Variants in WDCP observed in about 807,000 individuals in gnomAD.
WDCP encodes WD repeat and coiled coil containing, also known as WD repeat and coiled-coil-containing protein.
In WDCP, 19 loss-of-function variants were observed where a neutral mutation model predicts 41.6. The ratio of observed to expected loss-of-function variants is 0.46; its 90% CI spans 0.32 to 0.67. The LOEUF is 0.67. Ranked by LOEUF, WDCP falls within the 30% of genes least tolerant of loss-of-function variation. The pLI, the probability that WDCP is intolerant of heterozygous loss-of-function variation, is 0.04. For missense variants in WDCP, 802 were observed against 850.7 expected, an observed-to-expected ratio of 0.94 and a Z score of 0.71; for synonymous variants, 302 against 320.8, an observed-to-expected ratio of 0.94 and a Z score of 0.63.
At position 24,032,304 on chromosome 2, in the gene WDCP, C is replaced by T. The variant is rs183701388; in HGVS notation, c.1936+525G>A. ...GGCCGAGGCAGGCGGATTGCCTGAG[C>T]TCAGCCTGGGCAACACAGTGAAACC... On this transcript the variant is annotated intron_variant, in intron 3 of 3. Transcript: ENST00000295148. Among the ~76,000 whole-genome samples the T allele has an allele frequency of 2.6e-5, 4 of 152,306 alleles. No homozygotes were observed. The East Asian group carries it at 7.7e-4, about 29-fold the overall frequency.
intron 2 of WDCP, 137 bp from the exon 3 acceptor site, chr2:24,033,083 G>A (rs1412145309): frequency 8.5e-6 from 6 of 708,926 alleles, no homozygotes; most frequent in South Asian, 1.5e-5. Context: ...CAGTTTTAAG[G>A]AGCTCTTTGC....
In WDCP at chr2:24,037,779, T is replaced by C. The variant is rs769364997; in HGVS notation, c.1716A>G (p.Gln572=). Residue 572 remains glutamine (Q), a synonymous_variant, in exon 2 of 4, where the codon CAA becomes CAG. Coordinates refer to ENST00000295148, the MANE Select transcript of WDCP (RefSeq NM_025203.3). ...GGTTTGTAAGTTCAGAAAGACACCG[T>C]TGCATTTCAACCAGGTTCCTAGATA... ...EILSRNLVEM[Q]RCLSELTNRL... is the part of the protein sequence containing the mutation. The C allele has an allele frequency of 2.2e-5, 36 of 1,614,258 alleles. No individual in the cohort carries two copies. The highest frequency in any genetic ancestry group is 2.5e-5 in the Non-Finnish European group (30 of 1,180,046).
chr2:24,039,990 G>A (rs1328413497), intron 1 of WDCP, among the ~76,000 whole-genome samples: 9 of 151,676 alleles, frequency 5.9e-5, no homozygotes, highest in Non-Finnish European at 1.2e-4. Context: ...TAGTAGAGAC[G>A]GGGTTTCACT....
In WDCP at chr2:24,038,105, T is replaced by C. The variant is rs1332033807; in HGVS notation, c.1390A>G (p.Ile464Val). ...CAAAAATCTGGGGAAAGACTTTCAA[T>C]TAACTTTTTTCTATTTGCTTTATTT... ...PLNKANRKKL[I>V]ESLSPDFCHQ... Residue 464 changes from isoleucine to valine, a missense_variant, in exon 2 of 4, where the codon ATT (isoleucine) becomes GTT (valine). Transcript: ENST00000295148. The C allele has an allele frequency of 2.5e-6, 4 of 1,614,216 alleles. No homozygotes were observed. The South Asian group carries it at 4.4e-5, about 18-fold the overall frequency.
chr2:24,034,161 C>T lies in WDCP; in HGVS notation c.1819-1215G>A, dbSNP rs142414244. On this transcript the variant is annotated intron_variant, in intron 2 of 3. Coordinates refer to ENST00000295148, the MANE Select transcript of WDCP (RefSeq NM_025203.3). The stretch of plus-strand genomic sequence containing the variant: ...TAGGGCCGGGTGTGGTGGCTCACGC[C>T]TGTAATCCCAGAACTTTGGAAGGCC... Among the ~76,000 whole-genome samples, 910 of 152,218 alleles carry T rather than the reference C, an allele frequency of 6.0e-3. 6 individuals are homozygous for T. Among genetic ancestry groups the T allele is most frequent in the South Asian group, 0.034 (163 of 4,824 alleles).
intron 2 of WDCP, among the ~76,000 whole-genome samples, chr2:24,036,059 G>A (rs1049083735): frequency 6.3e-5 from 7 of 111,630 alleles, no homozygotes; most frequent in African/African-American, 2.2e-4. Flanking sequence ...CAGAGACTCC[G>A]TCTCAAAAAT....
chr2:24,032,189 G>C (rs1478660208), intron 3 of WDCP, among the ~76,000 whole-genome samples: 1 of 152,174 alleles, frequency 6.6e-6, no homozygotes. Flanking sequence ...CTGGGCAACA[G>C]AGTGAGACCC....
At position 24,036,195 on chromosome 2, in the gene WDCP, A is replaced by T. The variant is rs532713611; in HGVS notation, c.1818+1482T>A. The stretch of plus-strand genomic sequence containing the variant: ...AAACTCCATGTAGTTAATGTGGCAA[A>T]AATCCTCTTTAAAAAAATGTAGGGT... On this transcript the variant is annotated intron_variant, in intron 2 of 3. Coordinates refer to ENST00000295148, the MANE Select transcript of WDCP (RefSeq NM_025203.3). 6.6e-5 allele frequency among the ~76,000 whole-genome samples: 10 copies of T among 151,930 alleles called. No individual in the cohort carries two copies. The South Asian group carries it at 1.7e-3, about 25-fold the overall frequency.
At chr2:24,039,622 G>T in intron 1 of WDCP, 110 bp from the exon 2 acceptor site, 1 of 881,860 alleles carries the variant, frequency 1.1e-6, no homozygotes, top group Non-Finnish European at 1.7e-6. Context: ...ATAATGTGGA[G>T]AGACAAAAGG....
chr2:24,039,350 C>T lies in WDCP; in HGVS notation c.145G>A (p.Gly49Arg). ...LRLHSGEVKF[G>R]DSKVIGQFEC... is the part of the protein sequence containing the mutation. ...AACTGTCCAATGACTTTGGAGTCCCCAAACTTGACCTCTCCACTGTGAAGC... is the reference window on the plus strand; with the variant it reads ...AACTGTCCAATGACTTTGGAGTCCCTAAACTTGACCTCTCCACTGTGAAGC... The change falls in exon 2 of 4, where the codon GGG becomes AGG. Residue 49 changes from glycine to arginine, a missense_variant. Physicochemically the swap from Gly to Arg is moderately radical, Grantham distance 125. Around this residue, in one of 5 missense-constraint regions of WDCP, gnomAD observed 214 missense variants for 252.9 expected, o/e 0.85. Coordinates refer to ENST00000295148, the MANE Select transcript of WDCP (RefSeq NM_025203.3). 3 of 1,614,244 alleles carry T rather than the reference C, an allele frequency of 1.9e-6. No homozygotes were observed. Among genetic ancestry groups the T allele is most frequent in the Non-Finnish European group, 1.7e-6 (2 of 1,180,040 alleles).
At chr2:24,031,580 A>G (rs1663094813) in intron 3 of WDCP, among the ~76,000 whole-genome samples, 1 of 152,148 alleles carries the variant, frequency 6.6e-6, no homozygotes, top group Non-Finnish European at 1.5e-5. Context: ...TAATCCCACC[A>G]CTTTGGGAGG....
At chr2:24,034,504 T>G (rs1483574380) in intron 2 of WDCP, among the ~76,000 whole-genome samples, 1 of 151,736 alleles carries the variant, frequency 6.6e-6, no homozygotes, top group Non-Finnish European at 1.5e-5. Context: ...CAGAGATAAC[T>G]ACTGACAACA....
chr2:24,035,732 T>G (rs555585442), intron 2 of WDCP, among the ~76,000 whole-genome samples: 15 of 150,690 alleles, frequency 1.0e-4, no homozygotes, highest in African/African-American at 3.4e-4. Context: ...CTGGGCAACA[T>G]AGCAAGACCT....
At chr2:24,044,830 A>T (rs1415178503) in intron 1 of WDCP, among the ~76,000 whole-genome samples, 6 of 150,812 alleles carry the variant, frequency 4.0e-5, no homozygotes, top group Non-Finnish European at 7.4e-5. Flanking sequence ...AAAAAAAAAA[A>T]AAAAAAAAAA....
rs371899269 is a variant in WDCP, at chr2:24,045,461, C to T, written c.-19+1853G>A. ...TACTAAAAATACAATATTAGCTGGG[C>T]GTGGTGGTGTGTGCCTGTAGTTCCA... On this transcript the variant is annotated intron_variant, in intron 1 of 3. Transcript: ENST00000295148. Among the ~76,000 whole-genome samples the T allele has an allele frequency of 2.1e-4, 32 of 151,888 alleles. No individual in the cohort carries two copies. The South Asian group carries it at 4.2e-3, about 20-fold the overall frequency.
At position 24,037,817 on chromosome 2, in the gene WDCP, C is replaced by A; in HGVS notation, c.1678G>T (p.Glu560Ter). The A allele has an allele frequency of 6.2e-7, 1 of 1,614,218 alleles. No individual in the cohort carries two copies. Among genetic ancestry groups the A allele is most frequent in the Non-Finnish European group, 8.5e-7 (1 of 1,180,042 alleles). Residue 560 changes from glutamate to a stop codon, truncating the protein, a stop_gained, in exon 2 of 4, where the codon GAA (glutamate) becomes TAA (stop). Transcript: ENST00000295148. LOFTEE classifies it high-confidence loss of function. ...SEKETYQLSK[E>*]VEILSRNLVE... is the part of the protein sequence containing the mutation. Reference sequence around the variant, plus strand: ...AGGTTCCTAGATAAAATTTCCACTTCCTTAGACAGCTGATAAGTTTCCTTT... The same window carrying A: ...AGGTTCCTAGATAAAATTTCCACTTACTTAGACAGCTGATAAGTTTCCTTT...
In WDCP at chr2:24,038,990, G is replaced by A; in HGVS notation, c.505C>T (p.Leu169=). The change falls in exon 2 of 4, where the codon CTG becomes TTG. Residue 169 remains leucine (L), a synonymous_variant. Coordinates refer to ENST00000295148, the MANE Select transcript of WDCP (RefSeq NM_025203.3). ...CTGCCTACTGCCACCACCAGCCTCA[G>A]GCCATCCTGGGTCCAACATGCACAG... ...IHCACWTQDG[L]RLVVAVGSSL... 4 of 1,614,176 alleles carry A rather than the reference G, an allele frequency of 2.5e-6. No individual in the cohort carries two copies. The highest frequency in any genetic ancestry group is 3.4e-6 in the Non-Finnish European group (4 of 1,180,030).
At chr2:24,043,703 T>C (rs977250948) in intron 1 of WDCP, among the ~76,000 whole-genome samples, 4 of 152,204 alleles carry the variant, frequency 2.6e-5, no homozygotes, top group Non-Finnish European at 4.4e-5. Flanking sequence ...TCCCTGTCAC[T>C]GAATCTAAAT....
rs1248582707 is a variant in WDCP, at chr2:24,030,216, G to A, written c.*717C>T. ...CCTGCAGTAGGACTTACCTGGGCTC[G>A]ACAGTGTGGTAGCAGCATCGGCACA... On this transcript the variant is annotated 3_prime_UTR_variant, in exon 4 of 4. Coordinates refer to ENST00000295148, the MANE Select transcript of WDCP (RefSeq NM_025203.3). The A allele has an allele frequency of 1.3e-5, 2 of 152,068 alleles. No homozygotes were observed. The highest frequency in any genetic ancestry group is 4.8e-5 in the African/African-American group (2 of 41,406). 9.4% of individuals were successfully genotyped at this position (152,068 alleles called of 1,614,324 possible).
Sources: gnomAD v4.1 joint callset for allele counts (sites outside exome capture counted in the v4.1 genomes callset) on GRCh38, gnomAD v4.1.1 for gene constraint, gnomAD v4.1.1 regional missense constraint, MANE v1.5 for transcripts, NCBI Gene and HGNC (gene_info 2026-07-23, HGNC 2026-07-21) for gene names.